Variants in YPEL4 observed in about 807,000 individuals in gnomAD.
YPEL4 encodes the protein protein yippee-like 4.
Under a neutral mutation model 16.3 loss-of-function variants are expected in YPEL4, and 5 were observed. The ratio of observed to expected loss-of-function variants is 0.31; its 90% CI spans 0.16 to 0.64. The LOEUF (loss-of-function observed/expected upper bound fraction) is 0.64, where lower values mean the gene tolerates loss of function less well. YPEL4 is among the 30% of genes least tolerant of loss of function. The pLI is 0.79. For missense variants in YPEL4, 127 were observed against 170.0 expected (o/e 0.75, Z 1.41); for synonymous variants, 61 against 60.7 (o/e 1.00, Z -0.02).
chr11:57,646,339 G>T lies in YPEL4; in HGVS notation c.252C>A (p.Asp84Glu). 6.2e-7 allele frequency: 1 copy of T among 1,614,180 alleles called. No individual in the cohort carries two copies. Among genetic ancestry groups the T allele is most frequent in the African/African-American group, 1.3e-5 (1 of 75,042 alleles). The change falls in exon 4 of 5, where the codon GAC becomes GAA. Residue 84 changes from aspartate to glutamate, a missense_variant. Asp to Glu is a conservative substitution (Grantham distance 45). Transcript: ENST00000300022. ...TGGTTTTGCAGCTCTCACAGAAAAT[G>T]TCAGCTACCGAGTGGAGCCCCGTGA... is the stretch of plus-strand genomic sequence containing the variant. Reference protein sequence around the residue: ...LLLTGLHSVADIFCESCKTTL... With the variant: ...LLLTGLHSVAEIFCESCKTTL...
rs990596742 is a variant in YPEL4 at position 57,645,347 on chromosome 11, A to G, written c.*634T>C. 6.5e-6 allele frequency: 1 copy of G among 152,832 alleles called. No homozygotes were observed. The highest frequency in any genetic ancestry group is 2.4e-5 in the African/African-American group (1 of 41,412). The allele number at this position is 152,832 out of a possible 1,614,324, so 9.5% of individuals were successfully genotyped here. A position where few individuals can be genotyped will look rare whatever the true frequency, so the allele number is the denominator to read the frequency against. ...CCCCACCCAATGGCAAAAGTTAGAT[A>G]CTCGAAAGTGCCTCTTCAGTGCCAA... On this transcript the variant is annotated 3_prime_UTR_variant, in exon 5 of 5. Coordinates refer to ENST00000300022, the MANE Select transcript of YPEL4 (RefSeq NM_145008.3).
At position 57,647,243 on chromosome 11, in the gene YPEL4, G is replaced by C. The variant is rs1160061554; in HGVS notation, c.-136C>G. ...AGGGCAGGAGAAGTGTTGGGGGGCTGCCCGGCCAGGGCCCCCCCAGACGAG... is the reference window on the plus strand; with the variant it reads ...AGGGCAGGAGAAGTGTTGGGGGGCTCCCCGGCCAGGGCCCCCCCAGACGAG... On this transcript the variant is annotated 5_prime_UTR_variant, in exon 2 of 5. Transcript: ENST00000300022. The surrounding 1 kb of genome is among the most constrained non-coding windows in gnomAD (Gnocchi z 4.2). The C allele has an allele frequency of 3.3e-6, 4 of 1,214,134 alleles. No individual in the cohort carries two copies. The highest frequency in any genetic ancestry group is 5.5e-5 in the East Asian group (2 of 36,120). 75.2% of individuals were successfully genotyped at this position (1,214,134 alleles called of 1,614,324 possible).
chr11:57,645,828 G>C lies in YPEL4; in HGVS notation c.*153C>G, dbSNP rs956615546. The C allele has an allele frequency of 1.0e-5, 7 of 698,476 alleles. No individual in the cohort carries two copies. In the African/African-American group the frequency reaches 1.3e-4, roughly 13 times the overall value. 43.3% of individuals were successfully genotyped at this position (698,476 alleles called of 1,614,324 possible). The stretch of plus-strand genomic sequence containing the variant: ...CCCCCAGACCCCTGTTCTAAAGGGT[G>C]CCTGGTAGTGGATATGGTGGAGGCA... On this transcript the variant is annotated 3_prime_UTR_variant, in exon 5 of 5. Coordinates refer to ENST00000300022, the MANE Select transcript of YPEL4 (RefSeq NM_145008.3).
chr11:57,646,590 C>T, intron 3 of YPEL4, 161 bp downstream of exon 3: 2 of 1,242,694 alleles, frequency 1.6e-6, no homozygotes, highest in Non-Finnish European at 2.3e-6. Context: ...TCTCCCCCGG[C>T]TCCCCATGTG....
At position 57,647,025 on chromosome 11, in the gene YPEL4, G is replaced by A. The variant is rs1290316960; in HGVS notation, c.83C>T (p.Thr28Ile). The A allele has an allele frequency of 1.2e-6, 2 of 1,600,250 alleles. No homozygotes were observed. The highest frequency in any genetic ancestry group is 1.7e-6 in the Non-Finnish European group (2 of 1,174,524). The change falls in exon 2 of 5, where the codon ACT (threonine) becomes ATT (isoleucine). Residue 28 changes from threonine (T) to isoleucine (I), a missense_variant. Thr to Ile is a moderately conservative substitution (Grantham distance 89). Coordinates refer to ENST00000300022, the MANE Select transcript of YPEL4 (RefSeq NM_145008.3). This position sits in a 1 kb window ranked among gnomAD's most constrained non-coding sequence, Gnocchi z 4.2. ...TGCACGGCAGTGGACACAGCTGTAAGTGCGGTGACAGCGGGGCAGATAGCT... is the reference window on the plus strand; with the variant it reads ...TGCACGGCAGTGGACACAGCTGTAAATGCGGTGACAGCGGGGCAGATAGCT... ...FRSYLPRCHRTYSCVHCRAHL... is the reference protein window; with the variant it reads ...FRSYLPRCHRIYSCVHCRAHL...
intron 3 of YPEL4, 83 bp from the exon 4 acceptor site, chr11:57,646,488 A>G (rs1484730581): frequency 1.3e-6 from 2 of 1,509,262 alleles, no homozygotes; most frequent in Non-Finnish European, 9.2e-7. Context: ...GGGAACTTCC[A>G]TCTGGAGAGA....
At position 57,646,085 on chromosome 11, in the gene YPEL4, A is replaced by G. The variant is rs1483071041; in HGVS notation, c.295-15T>C. The G allele has an allele frequency of 1.2e-6, 2 of 1,613,762 alleles. No homozygotes were observed. Among genetic ancestry groups the G allele is most frequent in the East Asian group, 2.2e-5 (1 of 44,906 alleles). The stretch of plus-strand genomic sequence containing the variant: ...AAAGCTTGCTCCTGGTGAAGGAGAA[A>G]GCAGTGATTGTAGGACAAAGCAGTT... On this transcript the variant is annotated splice_polypyrimidine_tract_variant and intron_variant, in intron 4 of 4. Coordinates refer to ENST00000300022, the MANE Select transcript of YPEL4 (RefSeq NM_145008.3).
Position 57,646,296 on chromosome 11 carries a change from C to T in YPEL4, c.294+1G>A. The T allele has an allele frequency of 1.2e-6, 2 of 1,614,146 alleles. No individual in the cohort carries two copies. The highest frequency in any genetic ancestry group is 1.1e-5 in the South Asian group (1 of 91,082). The stretch of plus-strand genomic sequence containing the variant: ...GGTGACCCTCTTCCTCAGGTACTTA[C>T]ATATTTCCAGCCCAGTGTGGTTTTG... On this transcript the variant is annotated splice_donor_variant, in intron 4 of 4. Transcript: ENST00000300022. LOFTEE classifies it high-confidence loss of function.
chr11:57,647,278 GA>G lies in YPEL4; in HGVS notation c.-172del. 2.3e-6 allele frequency: 2 copies of G among 885,452 alleles called. No homozygotes were observed. The highest frequency in any genetic ancestry group is 3.2e-6 in the Non-Finnish European group (2 of 616,174). 54.8% of individuals were successfully genotyped at this position (885,452 alleles called of 1,614,324 possible). ...GGCCCCCCCAGACGAGAACCAGATAGAAATAGAAGTCACCTGGGAAGAGGGG... is the reference window on the plus strand; with the variant it reads ...GGCCCCCCCAGACGAGAACCAGATAGAATAGAAGTCACCTGGGAAGAGGGG... On this transcript the variant is annotated 5_prime_UTR_variant, in exon 2 of 5. Transcript: ENST00000300022. The surrounding 1 kb of genome is among the most constrained non-coding windows in gnomAD (Gnocchi z 4.2).
At chr11:57,646,701 T>C in intron 3 of YPEL4, 50 bp downstream of exon 3, 1 of 1,605,184 alleles carries the variant, frequency 6.2e-7, no homozygotes, top group Non-Finnish European at 8.5e-7. Flanking sequence ...GGAAAATTAC[T>C]CACTCACACA....
chr11:57,645,910 G>A lies in YPEL4; in HGVS notation c.*71C>T. On this transcript the variant is annotated 3_prime_UTR_variant, in exon 5 of 5. Coordinates refer to ENST00000300022, the MANE Select transcript of YPEL4 (RefSeq NM_145008.3). ...CAGGGGTGGGGCAGTACTCATGCTG[G>A]TATAGACTGCTTGGCAGGGCCGTGG... 5 of 1,516,114 alleles carry A rather than the reference G, an allele frequency of 3.3e-6. No homozygotes were observed. The highest frequency in any genetic ancestry group is 4.5e-6 in the Non-Finnish European group (5 of 1,102,330). 93.9% of individuals were successfully genotyped at this position (1,516,114 alleles called of 1,614,324 possible).
In YPEL4 at chr11:57,646,358, C is replaced by A. The variant is rs1945729953; in HGVS notation, c.233G>T (p.Gly78Val). The change falls in exon 4 of 5, where the codon GGG becomes GTG. Residue 78 changes from glycine (G) to valine (V), a missense_variant. Coordinates refer to ENST00000300022, the MANE Select transcript of YPEL4 (RefSeq NM_145008.3). ...GPAEQRLLLTGLHSVADIFCE... is the reference protein window; with the variant it reads ...GPAEQRLLLTVLHSVADIFCE... ...GAAAATGTCAGCTACCGAGTGGAGCCCCGTGAGCAAGAGGCGCTGTTCAGC... is the reference window on the plus strand; with the variant it reads ...GAAAATGTCAGCTACCGAGTGGAGCACCGTGAGCAAGAGGCGCTGTTCAGC... 1 of 1,614,156 alleles carries A rather than the reference C, an allele frequency of 6.2e-7. No individual in the cohort carries two copies. Among genetic ancestry groups the A allele is most frequent in the Admixed American group, 1.7e-5 (1 of 60,018 alleles).
Position 57,645,712 on chromosome 11 carries a change from T to C in YPEL4, c.*269A>G. 1 of 472,042 alleles carries C rather than the reference T, an allele frequency of 2.1e-6. No individual in the cohort carries two copies. Among genetic ancestry groups the C allele is most frequent in the East Asian group, 3.5e-5 (1 of 28,822 alleles). The allele number at this position is 472,042 out of a possible 1,614,324, so 29.2% of individuals were successfully genotyped here. A position where few individuals can be genotyped will look rare whatever the true frequency, so the allele number is the denominator to read the frequency against. ...GCCATCGCTTCCATGTTCAGGATCT[T>C]GGGAACAGAAAGACCCACAACCATC... On this transcript the variant is annotated 3_prime_UTR_variant, in exon 5 of 5. Coordinates refer to ENST00000300022, the MANE Select transcript of YPEL4 (RefSeq NM_145008.3).
In YPEL4 at chr11:57,645,698, C is replaced by A; in HGVS notation, c.*283G>T. 2.2e-6 allele frequency: 1 copy of A among 445,028 alleles called. No individual in the cohort carries two copies. The highest frequency in any genetic ancestry group is 3.9e-5 in the Admixed American group (1 of 25,670). 27.6% of individuals were successfully genotyped at this position (445,028 alleles called of 1,614,324 possible). A position where few individuals can be genotyped will look rare whatever the true frequency, so the allele number is the denominator to read the frequency against. ...TGAGTCTATGCCCTGCCATCGCTTC[C>A]ATGTTCAGGATCTTGGGAACAGAAA... On this transcript the variant is annotated 3_prime_UTR_variant, in exon 5 of 5. Coordinates refer to ENST00000300022, the MANE Select transcript of YPEL4 (RefSeq NM_145008.3).
intron 1 of YPEL4, chr11:57,648,531 G>C (rs1426820579): frequency 6.6e-6 from 1 of 152,286 alleles, no homozygotes. Context: ...TGCCAGCTGG[G>C]CACTCTGGCA....
chr11:57,646,805 A>G lies in YPEL4; in HGVS notation c.142-11T>C. On this transcript the variant is annotated splice_polypyrimidine_tract_variant and intron_variant, in intron 2 of 4. Coordinates refer to ENST00000300022, the MANE Select transcript of YPEL4 (RefSeq NM_145008.3). ...GCTCCCTTGGAAGGACTGTGGAGAC[A>G]TAGGACAGACAATGACTACCAAGCA... The G allele has an allele frequency of 6.2e-7, 1 of 1,613,852 alleles. No homozygotes were observed. The highest frequency in any genetic ancestry group is 8.5e-7 in the Non-Finnish European group (1 of 1,179,922).
chr11:57,646,560 T>G (rs1945732387), intron 3 of YPEL4, 155 bp from the exon 4 acceptor site: 3 of 1,200,522 alleles, frequency 2.5e-6, no homozygotes. Context: ...GCCTTCTTTT[T>G]CCACCGTTAT....
In YPEL4 at chr11:57,647,194, G is replaced by C; in HGVS notation, c.-87C>G. 6.8e-7 allele frequency: 1 copy of C among 1,463,252 alleles called. No individual in the cohort carries two copies. The allele number at this position is 1,463,252 out of a possible 1,614,324, so 90.6% of individuals were successfully genotyped here. On this transcript the variant is annotated 5_prime_UTR_variant, in exon 2 of 5. Coordinates refer to ENST00000300022, the MANE Select transcript of YPEL4 (RefSeq NM_145008.3). The surrounding 1 kb of genome is among the most constrained non-coding windows in gnomAD (Gnocchi z 4.2). ...AGACGGTCGCAGGTGAAGCAGCGGAGCAGGTTGGCTAGAGCCGTGTTTCAG... is the reference window on the plus strand; with the variant it reads ...AGACGGTCGCAGGTGAAGCAGCGGACCAGGTTGGCTAGAGCCGTGTTTCAG...
At chr11:57,648,007 G>A (rs571310265) in intron 1 of YPEL4, 1 of 152,302 alleles carries the variant, frequency 6.6e-6, no homozygotes, top group East Asian at 1.9e-4. Flanking sequence ...GGGCCCCTTG[G>A]TCTTTCTCTC....
Sources: gnomAD v4.1 joint callset for allele counts on GRCh38, gnomAD v4.1.1 for gene constraint, Gnocchi (gnomAD v3.1) non-coding constraint, MANE v1.5 for transcripts, NCBI Gene and HGNC (gene_info 2026-07-23, HGNC 2026-07-21) for gene names.